Variants in CNTNAP2 observed in about 807,000 individuals in gnomAD.
The protein encoded by CNTNAP2 is contactin associated protein 2.
CNTNAP2 carries 98 observed loss-of-function variants against 155.2 expected under a neutral mutation model. The observed-to-expected ratio is 0.63, with a 90% CI of 0.54 to 0.75. CNTNAP2 has a LOEUF of 0.75. CNTNAP2 is among the 30% of genes least tolerant of loss of function. The pLI, the probability that CNTNAP2 is intolerant of heterozygous loss-of-function variation, is 0.00. For missense variants in CNTNAP2, 1,727 were observed against 1,688.1 expected (o/e 1.02, Z -0.40); for synonymous variants, 651 against 631.2 (o/e 1.03, Z -0.47).
intron 9 of CNTNAP2, among the ~76,000 whole-genome samples, chr7:147,302,143 CA>C (rs1188708491): frequency 6.6e-6 from 1 of 152,134 alleles, no homozygotes; most frequent in African/African-American, 2.4e-5. Context: ...GGTTACCGTC[CA>C]AAAAAATATT....
intron 15 of CNTNAP2, among the ~76,000 whole-genome samples, chr7:148,031,653 T>G (rs4726913): frequency 6.6e-6 from 1 of 152,006 alleles, no homozygotes; most frequent in Non-Finnish European, 1.5e-5. Context: ...TACAGAAATG[T>G]TCGGCCCAGG....
intron 1 of CNTNAP2, among the ~76,000 whole-genome samples, chr7:146,413,822 C>T (rs1201026967): frequency 1.3e-5 from 2 of 152,108 alleles, no homozygotes; most frequent in African/African-American, 4.8e-5. Context: ...CACTTTTTAC[C>T]TATATTTTTC....
chr7:146,552,434 A>T (rs183749620), intron 1 of CNTNAP2, among the ~76,000 whole-genome samples: 132 of 152,162 alleles, frequency 8.7e-4, no homozygotes, highest in Admixed American at 1.9e-3. Context: ...TTCAAAATAT[A>T]TTCTGGGTTC....
At chr7:148,031,821 C>T (rs1802481749) in intron 15 of CNTNAP2, among the ~76,000 whole-genome samples, 1 of 152,016 alleles carries the variant, frequency 6.6e-6, no homozygotes, top group South Asian at 2.1e-4. Context: ...GTATTTTTAC[C>T]CTCGATTTAC....
At chr7:147,933,771 G>A (rs966464938) in intron 14 of CNTNAP2, among the ~76,000 whole-genome samples, 1 of 152,144 alleles carries the variant, frequency 6.6e-6, no homozygotes, top group Non-Finnish European at 1.5e-5. Context: ...GCTGAGGTGG[G>A]AGAATCGATT....
intron 1 of CNTNAP2, among the ~76,000 whole-genome samples, chr7:146,489,781 G>A (rs1028692572): frequency 1.3e-5 from 2 of 152,086 alleles, no homozygotes; most frequent in African/African-American, 4.8e-5. Flanking sequence ...CAGCAGAGAA[G>A]GCACGTGGGG....
At chr7:147,824,223 T>G (rs1798409758) in intron 13 of CNTNAP2, among the ~76,000 whole-genome samples, 1 of 152,208 alleles carries the variant, frequency 6.6e-6, no homozygotes, top group African/African-American at 2.4e-5. Flanking sequence ...TCTGGAATTC[T>G]TAAGCTTGCA....
chr7:146,751,914 C>T lies in CNTNAP2; in HGVS notation c.98-22357C>T, dbSNP rs186135166. Among the ~76,000 whole-genome samples the T allele has an allele frequency of 3.0e-3, 462 of 152,182 alleles. 5 individuals carry two copies. The highest frequency in any genetic ancestry group is 0.01 in the African/African-American group (432 of 41,532). On this transcript the variant is annotated intron_variant, in intron 1 of 23. Transcript: ENST00000361727. ...TCTTGTGTTAGTTTGCTGAGAATGA[C>T]GGCTTCCAGCTTCATCCATGTCTCT...
intron 1 of CNTNAP2, among the ~76,000 whole-genome samples, chr7:146,419,934 G>A (rs750953181): frequency 9.2e-5 from 14 of 152,068 alleles, no homozygotes; most frequent in Non-Finnish European, 1.5e-4. Flanking sequence ...ATGGATTTAA[G>A]AAAATAATAT....
intron 5 of CNTNAP2, among the ~76,000 whole-genome samples, chr7:147,114,379 C>G (rs552378203): frequency 6.6e-6 from 1 of 152,066 alleles, no homozygotes; most frequent in Non-Finnish European, 1.5e-5. Flanking sequence ...AATTTTCTGC[C>G]TCGATGATCT....
chr7:146,217,062 T>G (rs1288334016), intron 1 of CNTNAP2, among the ~76,000 whole-genome samples: 1 of 152,204 alleles, frequency 6.6e-6, no homozygotes, highest in Admixed American at 6.5e-5. Flanking sequence ...GAACTTTCAT[T>G]TTTAACTTTC....
At chr7:146,302,569 G>C (rs1323178190) in intron 1 of CNTNAP2, among the ~76,000 whole-genome samples, 1 of 152,100 alleles carries the variant, frequency 6.6e-6, no homozygotes, top group East Asian at 1.9e-4. Flanking sequence ...AAAAAGCTAA[G>C]TAATTTGCAC....
At chr7:147,458,115 CTA>C (rs1426855757) in intron 10 of CNTNAP2, among the ~76,000 whole-genome samples, 1 of 130,796 alleles carries the variant, frequency 7.6e-6, no homozygotes, top group African/African-American at 2.8e-5. Flanking sequence ...TATATTGTCT[CTA>C]TTGGTACTAT....
intron 13 of CNTNAP2, among the ~76,000 whole-genome samples, chr7:147,729,949 CT>C (rs1232750065): frequency 6.6e-6 from 1 of 152,006 alleles, no homozygotes; most frequent in Non-Finnish European, 1.5e-5. Context: ...AGGATCTCCA[CT>C]GGATTTAAGT....
intron 8 of CNTNAP2, among the ~76,000 whole-genome samples, chr7:147,273,530 TC>T (rs1433170741): frequency 6.6e-6 from 1 of 151,588 alleles, no homozygotes; most frequent in African/African-American, 2.4e-5. Context: ...CACTTTGGAG[TC>T]CCCGGTATCT....
chr7:146,932,831 T>C (rs1796807796), intron 3 of CNTNAP2, among the ~76,000 whole-genome samples: 1 of 152,026 alleles, frequency 6.6e-6, no homozygotes, highest in Non-Finnish European at 1.5e-5. Flanking sequence ...TGAACTCCCA[T>C]TCACAATTGC....
At chr7:147,493,018 T>C (rs1309994870) in intron 11 of CNTNAP2, among the ~76,000 whole-genome samples, 1 of 152,196 alleles carries the variant, frequency 6.6e-6, no homozygotes, top group Non-Finnish European at 1.5e-5. Context: ...AAGTGCTTTT[T>C]AAATTCAGAA....
At chr7:147,515,561 T>C (rs987624071) in intron 11 of CNTNAP2, among the ~76,000 whole-genome samples, 3 of 152,216 alleles carry the variant, frequency 2.0e-5, no homozygotes, top group East Asian at 3.9e-4. Context: ...GACCTCGTGA[T>C]CTGCCCACCT....
At chr7:146,245,988 C>G (rs1268041600) in intron 1 of CNTNAP2, among the ~76,000 whole-genome samples, 1 of 146,956 alleles carries the variant, frequency 6.8e-6, no homozygotes, top group East Asian at 1.9e-4. Context: ...AGATCCTGAA[C>G]TAACTTGTAA....
Sources: gnomAD v4.1 joint callset for allele counts (sites outside exome capture counted in the v4.1 genomes callset) on GRCh38, gnomAD v4.1.1 for gene constraint, MANE v1.5 for transcripts, NCBI Gene and HGNC (gene_info 2026-07-23, HGNC 2026-07-21) for gene names.